The following THOC2 variants were observed in gnomAD, a reference collection of about 807,000 sequenced individuals.
The protein encoded by THOC2 is THO complex 2.
THOC2 carries 10 observed loss-of-function variants against 128.4 expected under a neutral mutation model. The ratio of observed to expected loss-of-function variants is 0.08; its 90% CI spans 0.05 to 0.13. The LOEUF (loss-of-function observed/expected upper bound fraction) is 0.13. Among genes scored for constraint, THOC2 ranks in the 10% least tolerant of loss-of-function variants. The pLI, the probability that THOC2 is intolerant of heterozygous loss-of-function variation, is 1.00. For missense variants in THOC2, 535 were observed against 1,155.7 expected (o/e 0.46, Z 7.79); for synonymous variants, 393 against 396.9 (o/e 0.99, Z 0.12).
intron 13 of THOC2, 87 bp downstream of exon 13, chrX:123,645,247 T>C (rs1319106750): frequency 1.1e-5 from 7 of 643,105 alleles, no homozygotes; most frequent in African/African-American, 4.6e-5. Context: ...CTCATACAGA[T>C]GATTAAAGCT....
At chrX:123,713,587 G>A (rs1363313319) in intron 1 of THOC2, among the ~76,000 whole-genome samples, 4 of 111,157 alleles carry the variant, frequency 3.6e-5, no homozygotes, top group African/African-American at 9.8e-5. Flanking sequence ...GGTGGCTTAC[G>A]CCTGTAATCC....
chrX:123,613,839 A>C, intron 34 of THOC2, 131 bp from the exon 35 acceptor site: 2 of 721,922 alleles, frequency 2.8e-6, no homozygotes, highest in Non-Finnish European at 4.2e-6. Flanking sequence ...TACTTGGTAA[A>C]ATGGCATGAA....
chrX:123,650,850 A>G (rs2048325473), intron 12 of THOC2, among the ~76,000 whole-genome samples: 1 of 111,781 alleles, frequency 8.9e-6, no homozygotes, highest in Non-Finnish European at 1.9e-5. Flanking sequence ...CTGCCACACA[A>G]TAATAGTGGG....
At chrX:123,613,942 T>C in intron 34 of THOC2, 110 bp downstream of exon 34, 1 of 828,600 alleles carries the variant, frequency 1.2e-6, no homozygotes, top group Non-Finnish European at 1.7e-6. Flanking sequence ...AATAAAATCA[T>C]GAAATAACAG....
At chrX:123,656,352 A>AAGAGAGAG (rs1161132096) in intron 12 of THOC2, among the ~76,000 whole-genome samples, 1 of 100,142 alleles carries the variant, frequency 1.0e-5, no homozygotes, top group Non-Finnish European at 2.0e-5. Context: ...AAAAAAAAAA[A>AAGAGAGAG]AGAGAGAGAG....
At chrX:123,616,553 G>A (rs1294202988) in intron 33 of THOC2, among the ~76,000 whole-genome samples, 1 of 110,795 alleles carries the variant, frequency 9.0e-6, no homozygotes, top group Non-Finnish European at 1.9e-5. Flanking sequence ...TTTAGGCTTG[G>A]GTTTGGCTGT....
chrX:123,653,136 G>C (rs1156354561), intron 12 of THOC2, among the ~76,000 whole-genome samples: 3 of 111,635 alleles, frequency 2.7e-5, no homozygotes, highest in Non-Finnish European at 5.6e-5. Flanking sequence ...ACAACTATCT[G>C]ATCTTTGACA....
chrX:123,634,277 T>C (rs1346510278), intron 19 of THOC2, among the ~76,000 whole-genome samples: 3 of 111,722 alleles, frequency 2.7e-5, no homozygotes, highest in East Asian at 2.8e-4. Context: ...TTGGAAATAA[T>C]TGCAAATTTA....
chrX:123,619,754 AT>A, intron 32 of THOC2: 1 of 164,220 alleles, frequency 6.1e-6, no homozygotes, highest in Non-Finnish European at 1.2e-5. Context: ...AAAGCAAAAC[AT>A]TTTTTTCTCC....
intron 1 of THOC2, among the ~76,000 whole-genome samples, chrX:123,729,271 A>T (rs1045973384): frequency 8.9e-6 from 1 of 111,986 alleles, no homozygotes; most frequent in South Asian, 3.7e-4. Flanking sequence ...AGCATTAAAA[A>T]CATAATTGGT....
chrX:123,642,429 CAAAA>C (rs746333788), intron 15 of THOC2, among the ~76,000 whole-genome samples: 1 of 72,630 alleles, frequency 1.4e-5, no homozygotes, highest in Admixed American at 1.6e-4. Flanking sequence ...CTCCATCTCC[CAAAA>C]AAAAAAAAAA....
At chrX:123,615,592 G>A (rs2046857976) in intron 33 of THOC2, among the ~76,000 whole-genome samples, 1 of 106,569 alleles carries the variant, frequency 9.4e-6, no homozygotes, top group Non-Finnish European at 1.9e-5. Context: ...AGGAAATATT[G>A]CTGCAATACT....
intron 8 of THOC2, among the ~76,000 whole-genome samples, chrX:123,672,106 G>A (rs146637739): frequency 0.015 from 1,616 of 111,166 alleles, 39 homozygotes; most frequent in East Asian, 0.092. Context: ...TTATATGTGT[G>A]TTTTCTTTTC....
intron 4 of THOC2, among the ~76,000 whole-genome samples, chrX:123,701,258 A>C (rs1207202264): frequency 3.6e-5 from 4 of 112,254 alleles, no homozygotes; most frequent in Non-Finnish European, 7.5e-5. Flanking sequence ...CAGGAGGCTG[A>C]GACAGGAGAA....
chrX:123,645,542 ATC>A (rs760540291), intron 12 of THOC2, among the ~76,000 whole-genome samples, 167 bp from the exon 13 acceptor site: 2 of 112,882 alleles, frequency 1.8e-5, no homozygotes, highest in East Asian at 2.8e-4. Context: ...TTTAAATTTT[ATC>A]TGTTTCTAAC....
At chrX:123,638,772 A>G (rs1308732521) in intron 17 of THOC2, among the ~76,000 whole-genome samples, 162 bp downstream of exon 17, 5 of 99,489 alleles carry the variant, frequency 5.0e-5, no homozygotes, top group Non-Finnish European at 1.0e-4. Context: ...TCTCACATAC[A>G]CACACACACA....
rs143058875 is a variant in THOC2 at position 123,716,236 on chromosome X, C to T, written c.72-3328G>A. The stretch of plus-strand genomic sequence containing the variant: ...ATCACTTGATCATCTCATTAGATGC[C>T]GAAAAAGCATTTGACAAAATTCAAT... On this transcript the variant is annotated intron_variant, in intron 1 of 38. Transcript: ENST00000245838. Among the ~76,000 whole-genome samples, 665 of 112,541 alleles carry T rather than the reference C, an allele frequency of 5.9e-3. 5 individuals are homozygous for T. The highest frequency in any genetic ancestry group is 0.023 in the Middle Eastern group (5 of 218).
At chrX:123,614,794 C>A (rs1169942893) in intron 33 of THOC2, among the ~76,000 whole-genome samples, 1 of 111,570 alleles carries the variant, frequency 9.0e-6, no homozygotes, top group African/African-American at 3.2e-5. Flanking sequence ...AAAATAATCA[C>A]AATTAACTGT....
At chrX:123,723,772 A>G (rs755244801) in intron 1 of THOC2, among the ~76,000 whole-genome samples, 1 of 112,108 alleles carries the variant, frequency 8.9e-6, no homozygotes, top group Admixed American at 9.5e-5. Flanking sequence ...ATGACACTGC[A>G]AAGAAAATCA....
Sources: gnomAD v4.1 joint callset for allele counts (sites outside exome capture counted in the v4.1 genomes callset) on GRCh38, gnomAD v4.1.1 for gene constraint, MANE v1.5 for transcripts, NCBI Gene and HGNC (gene_info 2026-07-23, HGNC 2026-07-21) for gene names.